The following CNTNAP5 variants were observed in gnomAD, a reference collection of about 807,000 sequenced individuals.
The protein encoded by CNTNAP5 is contactin-associated protein-like 5.
Under a neutral mutation model 150.2 loss-of-function variants are expected in CNTNAP5, and 72 were observed. The ratio of observed to expected loss-of-function variants is 0.48; its 90% CI spans 0.40 to 0.58. CNTNAP5 has a LOEUF of 0.58. CNTNAP5 is among the 20% of genes least tolerant of loss of function. CNTNAP5 has a pLI of 0.00. For missense variants in CNTNAP5, 1,636 were observed against 1,626.2 expected (o/e 1.01, Z -0.10); for synonymous variants, 672 against 619.8 (o/e 1.08, Z -1.25).
intron 3 of CNTNAP5, among the ~76,000 whole-genome samples, chr2:124,361,216 T>A (rs1245919801): frequency 1.4e-5 from 2 of 143,434 alleles, no homozygotes; most frequent in East Asian, 4.1e-4. Flanking sequence ...TCTTCTAAAT[T>A]TTTTTCAAAG....
intron 7 of CNTNAP5, among the ~76,000 whole-genome samples, chr2:124,500,128 C>T (rs749898400): frequency 6.6e-6 from 1 of 152,130 alleles, no homozygotes; most frequent in African/African-American, 2.4e-5. Flanking sequence ...GATACCCACC[C>T]ACATTGGGGA....
At chr2:124,458,549 G>T (rs2104818165) in intron 6 of CNTNAP5, among the ~76,000 whole-genome samples, 1 of 151,816 alleles carries the variant, frequency 6.6e-6, no homozygotes, top group Admixed American at 6.6e-5. Flanking sequence ...AGAGATAAAA[G>T]ACCACAAATT....
intron 1 of CNTNAP5, among the ~76,000 whole-genome samples, chr2:124,104,616 G>A (rs1344655719): frequency 1.3e-5 from 2 of 152,118 alleles, no homozygotes; most frequent in African/African-American, 2.4e-5. Flanking sequence ...ATATCGTATA[G>A]TGTTACTTAT....
intron 14 of CNTNAP5, among the ~76,000 whole-genome samples, chr2:124,748,098 C>T (rs968363239): frequency 5.9e-5 from 9 of 152,006 alleles, no homozygotes; most frequent in African/African-American, 2.2e-4. Context: ...GCTGTTTCTT[C>T]ATGCTCCCAT....
At chr2:124,291,030 G>T (rs1019301630) in intron 3 of CNTNAP5, among the ~76,000 whole-genome samples, 1 of 152,094 alleles carries the variant, frequency 6.6e-6, no homozygotes, top group Non-Finnish European at 1.5e-5. Context: ...CTCATGGGCA[G>T]TAGATGCAAC....
intron 1 of CNTNAP5, among the ~76,000 whole-genome samples, chr2:124,096,244 C>T (rs887278218): frequency 6.6e-6 from 1 of 152,084 alleles, no homozygotes; most frequent in Admixed American, 6.6e-5. Flanking sequence ...GATGAATAAC[C>T]TACTCTATTA....
chr2:124,607,594 C>T (rs1466743692), intron 11 of CNTNAP5, among the ~76,000 whole-genome samples: 1 of 152,158 alleles, frequency 6.6e-6, no homozygotes, highest in Non-Finnish European at 1.5e-5. Flanking sequence ...ACGGGAATTA[C>T]CTTAGAGGTT....
chr2:124,683,672 T>C (rs972886373), intron 13 of CNTNAP5, among the ~76,000 whole-genome samples: 1 of 152,158 alleles, frequency 6.6e-6, no homozygotes, highest in African/African-American at 2.4e-5. Flanking sequence ...ATTTTTCTGT[T>C]CCGTTAATCA....
intron 3 of CNTNAP5, among the ~76,000 whole-genome samples, chr2:124,257,966 C>T (rs1687355492): frequency 6.6e-6 from 1 of 152,162 alleles, no homozygotes; most frequent in East Asian, 1.9e-4. Flanking sequence ...GACTTGAAAG[C>T]CATGCAATTG....
intron 1 of CNTNAP5, among the ~76,000 whole-genome samples, chr2:124,145,811 T>TAAAAAA (rs761766577): frequency 7.8e-5 from 1 of 12,786 alleles, no homozygotes; most frequent in Non-Finnish European, 1.4e-4. Flanking sequence ...AAAAAAAACA[T>TAAAAAA]TAAAAAAAAA....
chr2:124,897,848 C>T (rs1246200021), intron 21 of CNTNAP5, among the ~76,000 whole-genome samples: 1 of 151,280 alleles, frequency 6.6e-6, no homozygotes, highest in Non-Finnish European at 1.5e-5. Context: ...ATAATTGTCT[C>T]ACTTTCTCAC....
chr2:124,288,764 A>G (rs959696242), intron 3 of CNTNAP5, among the ~76,000 whole-genome samples: 2 of 152,122 alleles, frequency 1.3e-5, no homozygotes, highest in African/African-American at 4.8e-5. Flanking sequence ...CTTTAGATAC[A>G]CTGCCCGTTT....
intron 13 of CNTNAP5, among the ~76,000 whole-genome samples, chr2:124,692,691 A>G (rs754907196): frequency 6.6e-6 from 1 of 152,154 alleles, no homozygotes; most frequent in Non-Finnish European, 1.5e-5. Context: ...CTTTCTTACT[A>G]ATTTTGAGAA....
At chr2:124,626,505 G>A (rs1203169980) in intron 12 of CNTNAP5, among the ~76,000 whole-genome samples, 2 of 152,094 alleles carry the variant, frequency 1.3e-5, no homozygotes, top group Non-Finnish European at 2.9e-5. Flanking sequence ...CAAGGGAAAT[G>A]GTGAGGGACT....
chr2:124,457,246 A>T (rs1693142893), intron 6 of CNTNAP5, among the ~76,000 whole-genome samples: 1 of 152,222 alleles, frequency 6.6e-6, no homozygotes, highest in Non-Finnish European at 1.5e-5. Flanking sequence ...TTAGGCAAAG[A>T]CTTCATGACC....
At chr2:124,304,676 G>A (rs1378747978) in intron 3 of CNTNAP5, among the ~76,000 whole-genome samples, 1 of 152,136 alleles carries the variant, frequency 6.6e-6, no homozygotes, top group Non-Finnish European at 1.5e-5. Context: ...AACGAAGGAG[G>A]AAACTAGTAG....
At chr2:124,295,611 T>C (rs1198979518) in intron 3 of CNTNAP5, among the ~76,000 whole-genome samples, 3 of 152,354 alleles carry the variant, frequency 2.0e-5, no homozygotes, top group South Asian at 2.1e-4. Context: ...TTAATTGACT[T>C]AAAAATAATT....
intron 3 of CNTNAP5, among the ~76,000 whole-genome samples, chr2:124,312,865 C>T (rs753576798): frequency 7.2e-5 from 11 of 152,098 alleles, no homozygotes; most frequent in Non-Finnish European, 1.6e-4. Flanking sequence ...CCACCAGGCT[C>T]GGCCAATTTT....
In CNTNAP5 at chr2:124,329,406, A is replaced by G. The variant is rs531481815; in HGVS notation, c.381+87013A>G. Among the ~76,000 whole-genome samples, 5 of 152,274 alleles carry G rather than the reference A, an allele frequency of 3.3e-5. No homozygotes were observed. The South Asian group carries it at 1.0e-3, about 32-fold the overall frequency. ...GTCAGATAGGGGAACTTCCAGAGAT[A>G]GCCCCTCAGAGAAACAGGTGAAGGT... is the stretch of plus-strand genomic sequence containing the variant. On this transcript the variant is annotated intron_variant, in intron 3 of 23. Transcript: ENST00000682447.
Sources: gnomAD v4.1 joint callset for allele counts (sites outside exome capture counted in the v4.1 genomes callset) on GRCh38, gnomAD v4.1.1 for gene constraint, MANE v1.5 for transcripts, NCBI Gene and HGNC (gene_info 2026-07-23, HGNC 2026-07-21) for gene names.